CERS3: variants seen among roughly 807,000 people sequenced by gnomAD.
The protein encoded by CERS3 is LAG1 homolog, ceramide synthase 3.
Under a neutral mutation model 50.3 loss-of-function variants are expected in CERS3, and 33 were observed. The observed-to-expected ratio is 0.66, with a 90% CI of 0.50 to 0.88. The LOEUF is 0.88. Among genes scored for constraint, CERS3 ranks in the 40% least tolerant of loss-of-function variants. CERS3 has a pLI of 0.00. For missense variants in CERS3, 470 were observed against 460.3 expected (o/e 1.02, Z -0.19); for synonymous variants, 176 against 155.2 (o/e 1.13, Z -0.99).
At chr15:100,435,098 T>C (rs1243082044) in intron 11 of CERS3, among the ~76,000 whole-genome samples, 1 of 152,232 alleles carries the variant, frequency 6.6e-6, no homozygotes, top group African/African-American at 2.4e-5. Context: ...GAAGCAGCTC[T>C]CATCTTAAGC....
At chr15:100,543,928 A>G (rs555005965) in intron 1 of CERS3, among the ~76,000 whole-genome samples, 2 of 152,262 alleles carry the variant, frequency 1.3e-5, no homozygotes, top group South Asian at 2.1e-4. Context: ...GGGTATCTTT[A>G]GTGTTCGTTT....
At chr15:100,463,165 C>T (rs1228078528) in intron 10 of CERS3, among the ~76,000 whole-genome samples, 1 of 152,046 alleles carries the variant, frequency 6.6e-6, no homozygotes, top group Non-Finnish European at 1.5e-5. Context: ...CTAGAAATTT[C>T]TTTGTAAGCT....
intron 10 of CERS3, among the ~76,000 whole-genome samples, chr15:100,467,559 G>C (rs1377927709): frequency 6.6e-6 from 1 of 151,916 alleles, no homozygotes; most frequent in South Asian, 2.1e-4. Flanking sequence ...GCCCACTGCT[G>C]TCTTAAGCCA....
chr15:100,464,501 G>A (rs978432061), intron 10 of CERS3, among the ~76,000 whole-genome samples: 13 of 152,138 alleles, frequency 8.5e-5, no homozygotes, highest in Non-Finnish European at 1.0e-4. Flanking sequence ...AGCAAAACAG[G>A]GCACACACAC....
At chr15:100,459,374 T>C (rs1193444292) in intron 10 of CERS3, among the ~76,000 whole-genome samples, 3 of 152,156 alleles carry the variant, frequency 2.0e-5, no homozygotes, top group East Asian at 1.9e-4. Context: ...CAGCTTACTA[T>C]AGCCTCTACC....
chr15:100,423,085 A>AT (rs2032564349), intron 11 of CERS3, among the ~76,000 whole-genome samples: 5 of 111,658 alleles, frequency 4.5e-5, no homozygotes, highest in Non-Finnish European at 6.0e-5. Flanking sequence ...TTAAAGTATA[A>AT]TAAAAAAAAA....
chr15:100,474,825 T>G (rs1216447231), intron 8 of CERS3, among the ~76,000 whole-genome samples: 1 of 152,212 alleles, frequency 6.6e-6, no homozygotes, highest in African/African-American at 2.4e-5. Context: ...ACTAACTAGC[T>G]CAAGATGTTA....
chr15:100,456,168 A>T (rs2034367366), intron 10 of CERS3, 122 bp from the exon 11 acceptor site: 4 of 584,760 alleles, frequency 6.8e-6, no homozygotes, highest in Non-Finnish European at 1.1e-5. Flanking sequence ...AAAGCCCAGA[A>T]AATTATCAAA....
chr15:100,413,976 C>G (rs1012827750), intron 11 of CERS3, among the ~76,000 whole-genome samples: 7 of 152,130 alleles, frequency 4.6e-5, no homozygotes, highest in Admixed American at 4.6e-4. Flanking sequence ...AGAAAAATAC[C>G]TGGAACAGAT....
At chr15:100,473,552 C>T (rs1472843214) in intron 8 of CERS3, among the ~76,000 whole-genome samples, 1 of 152,198 alleles carries the variant, frequency 6.6e-6, no homozygotes, top group African/African-American at 2.4e-5. Context: ...TGAAAGCATG[C>T]TCAATCATTA....
chr15:100,533,759 C>T (rs575467384), upstream of CERS3, among the ~76,000 whole-genome samples: 14 of 152,126 alleles, frequency 9.2e-5, no homozygotes, highest in African/African-American at 3.1e-4. Context: ...AGGGTTTCAC[C>T]CTGTTAGCCA....
chr15:100,455,860 C>T (rs772683649), intron 11 of CERS3, 33 bp downstream of exon 11: 3 of 1,487,706 alleles, frequency 2.0e-6, no homozygotes, highest in Admixed American at 4.0e-5. Flanking sequence ...CTGGCAATGA[C>T]ATTAAGAGCA....
At chr15:100,516,093 T>C (rs1486991394) in intron 2 of CERS3, among the ~76,000 whole-genome samples, 1 of 152,164 alleles carries the variant, frequency 6.6e-6, no homozygotes, top group Non-Finnish European at 1.5e-5. Context: ...TTTGAGAGAC[T>C]AAAGGATTGC....
chr15:100,438,235 G>C (rs557546910), intron 11 of CERS3, among the ~76,000 whole-genome samples: 5 of 151,660 alleles, frequency 3.3e-5, no homozygotes, highest in Non-Finnish European at 4.4e-5. Context: ...AGTAGAGACA[G>C]GGTTTTGCCA....
chr15:100,521,729 A>G lies in CERS3; in HGVS notation c.-64T>C, dbSNP rs1334717738. Reference sequence around the variant, plus strand: ...ATACTGTATATATGTATATATATATAAATGTCAGCTTTTGTTTCACAACAT... The same window carrying G: ...ATACTGTATATATGTATATATATATGAATGTCAGCTTTTGTTTCACAACAT... On this transcript the variant is annotated 5_prime_UTR_variant, in exon 2 of 12. Coordinates refer to ENST00000679737, the MANE Select transcript of CERS3 (RefSeq NM_001378789.1). 1 of 152,170 alleles carries G rather than the reference A, an allele frequency of 6.6e-6. No homozygotes were observed. The highest frequency in any genetic ancestry group is 1.5e-5 in the Non-Finnish European group (1 of 68,038). 9.4% of individuals were successfully genotyped at this position (152,170 alleles called of 1,614,324 possible).
At chr15:100,531,312 C>G (rs767216562), upstream of CERS3, among the ~76,000 whole-genome samples, 16 of 152,190 alleles carry the variant, frequency 1.1e-4, no homozygotes, top group Non-Finnish European at 1.6e-4. Context: ...AATTCTTCCC[C>G]CTTCTTCAGG....
chr15:100,486,461 G>A (rs1469284000), intron 4 of CERS3, among the ~76,000 whole-genome samples: 2 of 152,186 alleles, frequency 1.3e-5, no homozygotes, highest in Admixed American at 6.5e-5. Flanking sequence ...GAGGACCAAG[G>A]GATTAGAATG....
intron 11 of CERS3, among the ~76,000 whole-genome samples, chr15:100,410,043 T>C (rs1222428051): frequency 6.6e-6 from 1 of 152,226 alleles, no homozygotes; most frequent in African/African-American, 2.4e-5. Flanking sequence ...GCTCTTCTGA[T>C]AACCTAGCAA....
chr15:100,407,354 C>G (rs2142048708), intron 11 of CERS3, among the ~76,000 whole-genome samples: 1 of 152,310 alleles, frequency 6.6e-6, no homozygotes, highest in South Asian at 2.1e-4. Flanking sequence ...CCTGTTGGAA[C>G]TTTATAGCAT....
Sources: allele counts gnomAD v4.1 joint callset (sites outside exome capture counted in the v4.1 genomes callset), GRCh38; gene constraint gnomAD v4.1.1; transcripts MANE v1.5; gene names NCBI Gene and HGNC (gene_info 2026-07-23, HGNC 2026-07-21).